Variants in XKR3 observed in about 807,000 individuals in gnomAD.
XKR3 encodes the protein XK-related protein 3.
Under a neutral mutation model 40.3 loss-of-function variants are expected in XKR3, and 27 were observed. That is an observed-to-expected ratio of 0.67 (90% CI 0.49 to 0.92). The LOEUF is 0.92. Among genes scored for constraint, XKR3 ranks in the 40% least tolerant of loss-of-function variants. The probability of loss-of-function intolerance (pLI) is 0.00; values close to 1 mark genes in which losing one functional copy is unlikely to be tolerated. For synonymous variants in XKR3, 193 were observed against 195.4 expected, an observed-to-expected ratio of 0.99 and a Z score of 0.10; for missense variants, 472 against 537.6, an observed-to-expected ratio of 0.88 and a Z score of 1.21.
chr22:16,790,896 A>AG (rs2060113133), intron 3 of XKR3, among the ~76,000 whole-genome samples: 1 of 55,724 alleles, frequency 1.8e-5, no homozygotes, highest in Admixed American at 1.8e-4. Flanking sequence ...AGAAACGTTG[A>AG]AAAAAAAAAA....
intron 1 of XKR3, chr22:16,821,754 T>C (rs1601853972): frequency 6.6e-6 from 1 of 152,136 alleles, no homozygotes; most frequent in Non-Finnish European, 1.5e-5. Flanking sequence ...AGGCAGCAGG[T>C]ATCTAGGAAA....
At chr22:16,815,242 G>A (rs1241832341) in intron 1 of XKR3, among the ~76,000 whole-genome samples, 1 of 151,990 alleles carries the variant, frequency 6.6e-6, no homozygotes, top group Non-Finnish European at 1.5e-5. Flanking sequence ...AATTGTATCA[G>A]CATTGCATAG....
chr22:16,823,384 ATTTC>A (rs1004870325), intron 1 of XKR3, among the ~76,000 whole-genome samples: 1 of 152,184 alleles, frequency 6.6e-6, no homozygotes, highest in African/African-American at 2.4e-5. Flanking sequence ...CACCATCATC[ATTTC>A]TTAGAAACAC....
intron 1 of XKR3, among the ~76,000 whole-genome samples, chr22:16,818,874 T>C (rs1357680623): frequency 6.6e-6 from 1 of 152,134 alleles, no homozygotes; most frequent in African/African-American, 2.4e-5. Context: ...CTCTTTCCAC[T>C]ACCCTACCCT....
At chr22:16,803,542 T>C (rs1335236672) in intron 2 of XKR3, among the ~76,000 whole-genome samples, 3 of 152,188 alleles carry the variant, frequency 2.0e-5, no homozygotes, top group Non-Finnish European at 4.4e-5. Context: ...TGGCTGCCCT[T>C]AGAGAATACA....
intron 2 of XKR3, among the ~76,000 whole-genome samples, chr22:16,806,307 C>G (rs1424359237): frequency 5.9e-5 from 2 of 34,038 alleles, no homozygotes; most frequent in Non-Finnish European, 1.1e-4. Context: ...TCTTATTTAG[C>G]TCGTGAAAAA....
At chr22:16,794,938 A>G (rs1370726322) in intron 3 of XKR3, among the ~76,000 whole-genome samples, 4 of 152,228 alleles carry the variant, frequency 2.6e-5, no homozygotes, top group African/African-American at 9.6e-5. Context: ...TAATGGGTAC[A>G]ATCAAACACT....
chr22:16,812,187 G>C (rs2060215794), intron 1 of XKR3, among the ~76,000 whole-genome samples: 1 of 152,096 alleles, frequency 6.6e-6, no homozygotes, highest in East Asian at 1.9e-4. Context: ...TGCCAAATTT[G>C]AGTTTAGCTC....
At chr22:16,823,477 T>A (rs2060264214) in intron 1 of XKR3, among the ~76,000 whole-genome samples, 1 of 152,200 alleles carries the variant, frequency 6.6e-6, no homozygotes, top group Non-Finnish European at 1.5e-5. Flanking sequence ...AATTCTTGAG[T>A]ATCCATCTGG....
chr22:16,784,338 T>A lies in XKR3; in HGVS notation c.661A>T (p.Ile221Phe), dbSNP rs1188259007. ...AIRCNILAIQ[I>F]SNDDTTIKLP... ...TTAATGGTAGTATCATCATTGCTGATCTGGATGGCCAGTATATTGCAGCGA... is the reference window on the plus strand; with the variant it reads ...TTAATGGTAGTATCATCATTGCTGAACTGGATGGCCAGTATATTGCAGCGA... The change falls in exon 4 of 4, where the codon ATC becomes TTC. Residue 221 changes from isoleucine to phenylalanine, a missense_variant. Coordinates refer to ENST00000684488, the MANE Select transcript of XKR3 (RefSeq NM_001386955.1). 6.2e-7 allele frequency: 1 copy of A among 1,614,142 alleles called. No individual in the cohort carries two copies. The highest frequency in any genetic ancestry group is 1.6e-4 in the Middle Eastern group (1 of 6,062).
intron 1 of XKR3, chr22:16,821,774 T>C (rs2060257268): frequency 6.6e-6 from 1 of 152,130 alleles, no homozygotes; most frequent in Non-Finnish European, 1.5e-5. Flanking sequence ...ACCTCGTGCT[T>C]CAATTTCATA....
intron 1 of XKR3, among the ~76,000 whole-genome samples, chr22:16,813,321 A>C (rs1411705186): frequency 6.6e-6 from 1 of 152,018 alleles, no homozygotes; most frequent in African/African-American, 2.4e-5. Context: ...AAACAAAAAA[A>C]AACAAGAAGA....
intron 3 of XKR3, among the ~76,000 whole-genome samples, chr22:16,797,364 C>G (rs956273311): frequency 6.6e-6 from 1 of 152,160 alleles, no homozygotes; most frequent in Admixed American, 6.5e-5. Flanking sequence ...GCAAAAGAAA[C>G]TGTAAACAGA....
At chr22:16,801,069 G>C (rs2060166848) in intron 2 of XKR3, among the ~76,000 whole-genome samples, 1 of 152,116 alleles carries the variant, frequency 6.6e-6, no homozygotes, top group Non-Finnish European at 1.5e-5. Flanking sequence ...GGAGATTATA[G>C]GGCATTTAAG....
intron 1 of XKR3, among the ~76,000 whole-genome samples, chr22:16,814,556 A>T (rs554525865): frequency 1.8e-3 from 281 of 152,278 alleles, no homozygotes; most frequent in African/African-American, 6.5e-3. Context: ...ACTGTAGGTC[A>T]ATTTTGCGGT....
Position 16,797,792 on chromosome 22 carries a change from C to CAA in XKR3, c.589+1977_589+1978dup, listed in dbSNP as rs558060655. Among the ~76,000 whole-genome samples the CAA allele has an allele frequency of 2.1e-3, 184 of 87,962 alleles. 1 individual carries two copies. The East Asian group carries it at 0.034, about 16-fold the overall frequency. The allele number at this position is 87,962 out of a possible 152,430, so 57.7% of individuals were successfully genotyped here. A position where few individuals can be genotyped will look rare whatever the true frequency, so the allele number is the denominator to read the frequency against. On this transcript the variant is annotated intron_variant, in intron 3 of 3. Coordinates refer to ENST00000684488, the MANE Select transcript of XKR3 (RefSeq NM_001386955.1). ...TGGGCGACAGAGTGAGACTCTGTCT[C>CAA]AAAAAAAAAAAAAAAAATAGGTAAA...
intron 3 of XKR3, among the ~76,000 whole-genome samples, chr22:16,799,196 G>T (rs903508587): frequency 1.3e-5 from 2 of 151,548 alleles, no homozygotes; most frequent in Non-Finnish European, 2.9e-5. Flanking sequence ...GGTGGATCAC[G>T]AGGTCAGGAG....
chr22:16,813,201 G>A (rs1023399246), intron 1 of XKR3, among the ~76,000 whole-genome samples: 12 of 151,724 alleles, frequency 7.9e-5, no homozygotes, highest in Admixed American at 5.3e-4. Flanking sequence ...GGAGTATGGC[G>A]TGAACCTGGG....
At chr22:16,821,752 G>A (rs2060257123) in intron 1 of XKR3, 1 of 151,942 alleles carries the variant, frequency 6.6e-6, no homozygotes. Context: ...GTAGGCAGCA[G>A]GTATCTAGGA....
Sources: gnomAD v4.1 joint callset for allele counts (sites outside exome capture counted in the v4.1 genomes callset) on GRCh38, gnomAD v4.1.1 for gene constraint, MANE v1.5 for transcripts, NCBI Gene and HGNC (gene_info 2026-07-23, HGNC 2026-07-21) for gene names.